KHDRBS2: variants seen among roughly 807,000 people sequenced by gnomAD.
KHDRBS2 encodes KH RNA binding domain containing, signal transduction associated 2, also known as KH domain-containing, RNA-binding, signal transduction-associated protein 2.
KHDRBS2 carries 26 observed loss-of-function variants against 44.3 expected under a neutral mutation model. The ratio of observed to expected loss-of-function variants is 0.59; its 90% CI spans 0.43 to 0.81. The LOEUF (loss-of-function observed/expected upper bound fraction) is 0.81. Ranked by LOEUF, KHDRBS2 falls within the 40% of genes least tolerant of loss-of-function variation. The pLI, the probability that KHDRBS2 is intolerant of heterozygous loss-of-function variation, is 0.00. For missense variants in KHDRBS2, 476 were observed against 433.1 expected (o/e 1.10, Z -0.88); for synonymous variants, 194 against 151.1 (o/e 1.28, Z -2.08).
intron 3 of KHDRBS2, among the ~76,000 whole-genome samples, chr6:62,017,766 T>G (rs999314694): frequency 6.6e-6 from 1 of 152,130 alleles, no homozygotes; most frequent in Non-Finnish European, 1.5e-5. Flanking sequence ...CAATTTAGAT[T>G]GTAATATTTT....
intron 6 of KHDRBS2, among the ~76,000 whole-genome samples, chr6:61,859,812 A>G (rs1439049268): frequency 1.3e-5 from 2 of 152,014 alleles, no homozygotes; most frequent in African/African-American, 4.8e-5. Context: ...AGAAAACATG[A>G]GGCAATAAAA....
At chr6:62,035,548 A>C (rs1408803331) in intron 3 of KHDRBS2, among the ~76,000 whole-genome samples, 1 of 151,996 alleles carries the variant, frequency 6.6e-6, no homozygotes, top group East Asian at 1.9e-4. Context: ...GTACAAAGCA[A>C]ATAGAAAGAA....
intron 7 of KHDRBS2, among the ~76,000 whole-genome samples, chr6:61,727,290 T>C (rs1345511540): frequency 6.6e-6 from 1 of 152,072 alleles, no homozygotes; most frequent in Non-Finnish European, 1.5e-5. Context: ...TCAAGATAAA[T>C]TAAATACTTA....
intron 8 of KHDRBS2, among the ~76,000 whole-genome samples, chr6:61,683,762 G>A (rs927605741): frequency 1.3e-5 from 2 of 151,810 alleles, no homozygotes; most frequent in African/African-American, 4.8e-5. Context: ...ACAAATATGT[G>A]CTCTTTTATA....
At chr6:61,908,459 G>C (rs59498632) in intron 4 of KHDRBS2, among the ~76,000 whole-genome samples, 1 of 151,326 alleles carries the variant, frequency 6.6e-6, no homozygotes, top group South Asian at 2.1e-4. Flanking sequence ...ACGGTGAAAC[G>C]CAGTCTCTAC....
At position 62,125,563 on chromosome 6, in the gene KHDRBS2, A is replaced by G. The variant is rs149220757; in HGVS notation, c.219+51622T>C. Among the ~76,000 whole-genome samples, 1,000 of 152,294 alleles carry G rather than the reference A, an allele frequency of 6.6e-3. 10 individuals are homozygous for G. The highest frequency in any genetic ancestry group is 0.023 in the African/African-American group (954 of 41,554). ...CCACCCATCCCCAGCCCCAGGCAGC[A>G]CAGCTTCAAAAGAAACTCCTTCTTT... On this transcript the variant is annotated intron_variant, in intron 2 of 8. Coordinates refer to ENST00000281156, the MANE Select transcript of KHDRBS2 (RefSeq NM_152688.4).
intron 6 of KHDRBS2, among the ~76,000 whole-genome samples, chr6:61,791,302 C>T (rs1344845237): frequency 6.6e-6 from 1 of 150,754 alleles, no homozygotes; most frequent in Non-Finnish European, 1.5e-5. Flanking sequence ...TTCTTTTCTT[C>T]ATCTTTCTTT....
In KHDRBS2 at chr6:62,070,828, G is replaced by A. The variant is rs532897164; in HGVS notation, c.220-22834C>T. 5.3e-4 allele frequency among the ~76,000 whole-genome samples: 80 copies of A among 152,264 alleles called. 1 individual carries two copies. Among genetic ancestry groups the A allele is most frequent in the African/African-American group, 1.9e-3 (79 of 41,550 alleles). The stretch of plus-strand genomic sequence containing the variant: ...TGTGCATGTGTCTTTATAGCAGCAT[G>A]ATTTATAATCCTCTGGGTATATACC... On this transcript the variant is annotated intron_variant, in intron 2 of 8. Transcript: ENST00000281156.
At chr6:62,089,550 G>A (rs1157859599) in intron 2 of KHDRBS2, among the ~76,000 whole-genome samples, 1 of 152,016 alleles carries the variant, frequency 6.6e-6, no homozygotes. Context: ...CCCTCCTTGG[G>A]CTGCACCCAC....
chr6:61,748,232 G>A (rs760185632), intron 6 of KHDRBS2, among the ~76,000 whole-genome samples: 5 of 152,206 alleles, frequency 3.3e-5, no homozygotes, highest in Admixed American at 2.0e-4. Context: ...CTCATGATCC[G>A]CCTGCCTTGG....
chr6:62,101,297 A>C (rs1476589574), intron 2 of KHDRBS2, among the ~76,000 whole-genome samples: 4 of 152,124 alleles, frequency 2.6e-5, no homozygotes, highest in African/African-American at 4.8e-5. Context: ...ACAGTTTTGC[A>C]GCAGTGGATG....
chr6:61,830,248 G>A (rs976744075), intron 6 of KHDRBS2, among the ~76,000 whole-genome samples: 4 of 152,150 alleles, frequency 2.6e-5, no homozygotes, highest in Admixed American at 6.5e-5. Context: ...TCAGCCTAGC[G>A]AAGTTTTGAG....
chr6:61,774,770 A>T (rs1278648327), intron 6 of KHDRBS2, among the ~76,000 whole-genome samples: 1 of 152,154 alleles, frequency 6.6e-6, no homozygotes, highest in Non-Finnish European at 1.5e-5. Flanking sequence ...AAAAAGAGGG[A>T]ATCCTCCCTA....
the KHDRBS2 span, chr6:61,652,129 C>T: frequency 6.6e-6 from 1 of 152,154 alleles, no homozygotes; most frequent in East Asian, 1.9e-4. Context: ...CTAATTCTCT[C>T]CTCTCTATGC....
intron 2 of KHDRBS2, among the ~76,000 whole-genome samples, chr6:62,167,903 T>C (rs546592803): frequency 3.4e-4 from 52 of 152,294 alleles, no homozygotes; most frequent in Admixed American, 7.9e-4. Context: ...ATCTGATAAC[T>C]ACTTTAAAAG....
chr6:62,202,076 T>C (rs530607592), intron 1 of KHDRBS2, among the ~76,000 whole-genome samples: 58 of 152,248 alleles, frequency 3.8e-4, no homozygotes, highest in African/African-American at 1.4e-3. Flanking sequence ...GAAAATAATC[T>C]TACAGAGAAA....
intron 6 of KHDRBS2, among the ~76,000 whole-genome samples, chr6:61,804,272 A>G (rs911286399): frequency 6.6e-6 from 1 of 152,176 alleles, no homozygotes; most frequent in Non-Finnish European, 1.5e-5. Flanking sequence ...ATCTCTTTTG[A>G]CTTCATGTCT....
At chr6:62,075,668 T>C (rs1796185203) in intron 2 of KHDRBS2, among the ~76,000 whole-genome samples, 1 of 151,922 alleles carries the variant, frequency 6.6e-6, no homozygotes, top group South Asian at 2.1e-4. Context: ...GGCATAAGTT[T>C]TTTGGTCCAA....
rs183550180 is a variant in KHDRBS2, at chr6:62,281,411, G to C, written c.91+4447C>G. On this transcript the variant is annotated intron_variant, in intron 1 of 8. Transcript: ENST00000281156. ...ATGAGGCAGGTCAATCACAAAATTCGGAGTTTGAGACCAGCCTGGCCAACA... is the reference window on the plus strand; with the variant it reads ...ATGAGGCAGGTCAATCACAAAATTCCGAGTTTGAGACCAGCCTGGCCAACA... 1.4e-4 allele frequency among the ~76,000 whole-genome samples: 22 copies of C among 151,984 alleles called. 1 individual carries two copies. The East Asian group carries it at 4.3e-3, about 30-fold the overall frequency.
Sources: gnomAD v4.1 joint callset for allele counts (sites outside exome capture counted in the v4.1 genomes callset) on GRCh38, gnomAD v4.1.1 for gene constraint, MANE v1.5 for transcripts, NCBI Gene and HGNC (gene_info 2026-07-23, HGNC 2026-07-21) for gene names.